The following USP7 variants were observed in gnomAD, a reference collection of about 807,000 sequenced individuals.
USP7 encodes ubiquitin specific peptidase 7.
In USP7, 9 loss-of-function variants were observed where a neutral mutation model predicts 162.9. The observed-to-expected ratio is 0.06, with a 90% CI of 0.03 to 0.10. The LOEUF is 0.10. USP7 is among the 10% of genes least tolerant of loss of function. The probability of loss-of-function intolerance (pLI) is 1.00; values close to 1 mark genes in which losing one functional copy is unlikely to be tolerated. For missense variants in USP7, 715 were observed against 1,373.7 expected, an observed-to-expected ratio of 0.52 and a Z score of 7.58; for synonymous variants, 562 against 475.9, an observed-to-expected ratio of 1.18 and a Z score of -2.35.
chr16:8,942,492 C>CG (rs1367598811), intron 1 of USP7, among the ~76,000 whole-genome samples: 1 of 152,210 alleles, frequency 6.6e-6, no homozygotes, highest in Non-Finnish European at 1.5e-5. Context: ...TACTCTAAAA[C>CG]GGGGGCCCTC....
At chr16:8,919,938 C>T (rs955564813) in intron 5 of USP7, among the ~76,000 whole-genome samples, 4 of 152,178 alleles carry the variant, frequency 2.6e-5, no homozygotes, top group East Asian at 1.9e-4. Context: ...CTTTACTCCT[C>T]GCTCACCATG....
In USP7 at chr16:8,936,843, T is replaced by G. The variant is rs1424008666; in HGVS notation, c.80-6446A>C. ...ATTAATGGAAAAACTGGTGAAACTCTGAAAGAATCTGACTTTGGTTAACAA... is the reference window on the plus strand; with the variant it reads ...ATTAATGGAAAAACTGGTGAAACTCGGAAAGAATCTGACTTTGGTTAACAA... On this transcript the variant is annotated intron_variant, in intron 1 of 30. Coordinates refer to ENST00000344836, the MANE Select transcript of USP7 (RefSeq NM_003470.3). 3 of 961,752 alleles carry G rather than the reference T, an allele frequency of 3.1e-6. No homozygotes were observed. In the Admixed American group the frequency reaches 1.4e-4, roughly 46 times the overall value. 59.6% of individuals were successfully genotyped at this position (961,752 alleles called of 1,614,324 possible).
intron 18 of USP7, among the ~76,000 whole-genome samples, chr16:8,901,483 G>A (rs958361130): frequency 1.3e-5 from 2 of 152,222 alleles, no homozygotes; most frequent in African/African-American, 4.8e-5. Flanking sequence ...AGACAGTCAA[G>A]ACGGTACTGA....
intron 1 of USP7, among the ~76,000 whole-genome samples, chr16:8,960,498 G>GA (rs1899967946): frequency 6.6e-6 from 1 of 152,196 alleles, no homozygotes; most frequent in Non-Finnish European, 1.5e-5. Context: ...CAAAACAAAC[G>GA]AAACAGTCTC....
chr16:8,955,030 C>A (rs77315566), intron 1 of USP7, among the ~76,000 whole-genome samples: 1 of 152,226 alleles, frequency 6.6e-6, no homozygotes, highest in African/African-American at 2.4e-5. Flanking sequence ...TCAGCTACCA[C>A]GAGATGAATG....
At chr16:8,931,110 G>T (rs184319280) in intron 1 of USP7, among the ~76,000 whole-genome samples, 36 of 151,760 alleles carry the variant, frequency 2.4e-4, no homozygotes, top group Admixed American at 1.4e-3. Context: ...AGCCAATTTT[G>T]TTGTGAAGAT....
At chr16:8,956,623 G>T (rs1172211646) in intron 1 of USP7, among the ~76,000 whole-genome samples, 1 of 152,138 alleles carries the variant, frequency 6.6e-6, no homozygotes, top group Non-Finnish European at 1.5e-5. Context: ...AATTAGCCGG[G>T]CATGGTAGCG....
chr16:8,908,857 G>C (rs1422871502), intron 11 of USP7, among the ~76,000 whole-genome samples: 2 of 152,232 alleles, frequency 1.3e-5, no homozygotes, highest in African/African-American at 4.8e-5. Flanking sequence ...AATTACCCAA[G>C]ATTAGGTATG....
At chr16:8,931,462 C>T (rs1171123911) in intron 1 of USP7, among the ~76,000 whole-genome samples, 1 of 152,202 alleles carries the variant, frequency 6.6e-6, no homozygotes, top group South Asian at 2.1e-4. Context: ...GCTGGGATCA[C>T]CCACCCATGC....
intron 1 of USP7, among the ~76,000 whole-genome samples, chr16:8,947,878 G>A (rs1348592835): frequency 6.6e-6 from 1 of 152,196 alleles, no homozygotes; most frequent in Non-Finnish European, 1.5e-5. Context: ...GAGACCCTCA[G>A]TGTGCAATTC....
chr16:8,908,511 A>G, intron 11 of USP7, 61 bp from the exon 12 acceptor site: 1 of 1,433,204 alleles, frequency 7.0e-7, no homozygotes. Flanking sequence ...GAAGCAATGA[A>G]AGCAACAGCG....
intron 27 of USP7, 79 bp downstream of exon 27, chr16:8,895,563 A>C (rs1247127409): frequency 1.7e-6 from 2 of 1,194,672 alleles, no homozygotes; most frequent in Non-Finnish European, 1.2e-6. Flanking sequence ...CTACTTGTAC[A>C]ACTTGCTGTG....
chr16:8,894,437 C>A, intron 30 of USP7, 113 bp downstream of exon 30: 1 of 1,030,292 alleles, frequency 9.7e-7, no homozygotes, highest in Non-Finnish European at 1.4e-6. Flanking sequence ...ACAGGTCGGC[C>A]AGTGGAGAGA....
chr16:8,945,236 T>C lies in USP7; in HGVS notation c.80-14839A>G, dbSNP rs369427631. ...CGAAATTCCATCTTCAAAAAAAAAA[T>C]AGCCAGGTGTGGTGGTGCACACCTG... On this transcript the variant is annotated intron_variant, in intron 1 of 30. Transcript: ENST00000344836. 2.7e-4 allele frequency among the ~76,000 whole-genome samples: 41 copies of C among 150,246 alleles called. No homozygotes were observed. In the South Asian group the frequency reaches 5.1e-3, roughly 19 times the overall value.
intron 6 of USP7, 84 bp from the exon 7 acceptor site, chr16:8,917,240 T>A: frequency 6.9e-7 from 1 of 1,441,724 alleles, no homozygotes; most frequent in Non-Finnish European, 9.2e-7. Flanking sequence ...TCTTCATGTT[T>A]AAAAAAATCA....
Position 8,963,416 on chromosome 16 carries a change from T to G in USP7, c.-131A>C, listed in dbSNP as rs1253980523. The G allele has an allele frequency of 7.5e-4, 105 of 139,284 alleles. No individual in the cohort carries two copies. The highest frequency in any genetic ancestry group is 3.1e-3 in the East Asian group (12 of 3,812). 8.6% of individuals were successfully genotyped at this position (139,284 alleles called of 1,614,324 possible). A position where few individuals can be genotyped will look rare whatever the true frequency, so the allele number is the denominator to read the frequency against. On this transcript the variant is annotated 5_prime_UTR_variant, in exon 1 of 31. Coordinates refer to ENST00000344836, the MANE Select transcript of USP7 (RefSeq NM_003470.3). Reference sequence around the variant, plus strand: ...GGCCTCCTCCTCCTCCTCCCGCGCGTCGTCGGCGACGGCGGCCCCGGGGCG... The same window carrying G: ...GGCCTCCTCCTCCTCCTCCCGCGCGGCGTCGGCGACGGCGGCCCCGGGGCG...
chr16:8,905,074 T>C (rs1292492804), intron 14 of USP7, 113 bp downstream of exon 14: 3 of 1,348,280 alleles, frequency 2.2e-6, no homozygotes, highest in African/African-American at 1.4e-5. Flanking sequence ...CTGCTGTGAA[T>C]ACAATGGAAT....
At chr16:8,894,924 C>A in intron 28 of USP7, 69 bp from the exon 29 acceptor site, 1 of 1,613,678 alleles carries the variant, frequency 6.2e-7, no homozygotes, top group Non-Finnish European at 8.5e-7. Context: ...ACGTGGCAGC[C>A]GCCAAAACCA....
intron 18 of USP7, chr16:8,901,787 C>T (rs552208128): frequency 2.1e-5 from 8 of 382,546 alleles, no homozygotes; most frequent in African/African-American, 1.0e-4. Flanking sequence ...TGACAGACAA[C>T]GTTTGCAACC....
Sources: gnomAD v4.1 joint callset for allele counts (sites outside exome capture counted in the v4.1 genomes callset) on GRCh38, gnomAD v4.1.1 for gene constraint, MANE v1.5 for transcripts, NCBI Gene and HGNC (gene_info 2026-07-23, HGNC 2026-07-21) for gene names.